Variants in MIB1 observed in about 807,000 individuals in gnomAD.
MIB1 encodes the protein MIB E3 ubiquitin protein ligase 1, also known as E3 ubiquitin-protein ligase MIB1.
MIB1 carries 278 observed loss-of-function variants against 124.5 expected under a neutral mutation model. The ratio of observed to expected loss-of-function variants is 2.23; its 90% CI spans 2.02 to 2.47. The LOEUF (loss-of-function observed/expected upper bound fraction) is 2.47. Among genes scored for constraint, MIB1 ranks in the 30% most tolerant of loss-of-function variants. The probability of loss-of-function intolerance (pLI) is 0.00; values close to 1 mark genes in which losing one functional copy is unlikely to be tolerated. For synonymous variants in MIB1, 446 were observed against 429.4 expected (o/e 1.04, Z -0.48); for missense variants, 957 against 1,254.4 (o/e 0.76, Z 3.58).
intron 1 of MIB1, among the ~76,000 whole-genome samples, chr18:21,727,513 T>G (rs548353596): frequency 4.6e-5 from 7 of 152,138 alleles, no homozygotes; most frequent in African/African-American, 1.7e-4. Context: ...GAGGCCAAGG[T>G]GGGAGGATTG....
chr18:21,861,340 A>T (rs2146524185), intron 20 of MIB1, among the ~76,000 whole-genome samples: 1 of 152,160 alleles, frequency 6.6e-6, no homozygotes, highest in South Asian at 2.1e-4. Context: ...TAGCATCTTG[A>T]TTCCTTTCCC....
At chr18:21,815,039 AT>A (rs2041815452) in intron 10 of MIB1, among the ~76,000 whole-genome samples, 1 of 129,814 alleles carries the variant, frequency 7.7e-6, no homozygotes, top group African/African-American at 3.0e-5. Flanking sequence ...ATATATATAT[AT>A]ATATATATAT....
chr18:21,738,732 GGGAGAT>G (rs754138190), upstream of MIB1, among the ~76,000 whole-genome samples: 26 of 143,432 alleles, frequency 1.8e-4, no homozygotes, highest in Non-Finnish European at 4.5e-5. Context: ...GCGTGAACCC[GGGAGAT>G]GGAGCTTGCA....
chr18:21,779,862 G>A (rs1162313674), intron 6 of MIB1, among the ~76,000 whole-genome samples, 177 bp downstream of exon 6: 3 of 22,292 alleles, frequency 1.3e-4, no homozygotes, highest in South Asian at 1.2e-3. Context: ...TAAGAATTAC[G>A]TGTGTGTGTG....
chr18:21,773,647 T>G lies in MIB1; in HGVS notation c.555T>G (p.Ser185Arg), dbSNP rs1359391136. 1 of 1,609,412 alleles carries G rather than the reference T, an allele frequency of 6.2e-7. No individual in the cohort carries two copies. ...RGKVTEIQDW[S>R]ASSPHSAAYV... ...AGGTAACAGAAATCCAGGACTGGAG[T>G]GCATCAAGCCCACATAGCGCAGCAT... The change falls in exon 4 of 21, where the codon AGT becomes AGG. Residue 185 changes from serine (S) to arginine (R), a missense_variant. Ser to Arg is a moderately radical substitution (Grantham distance 110). Coordinates refer to ENST00000261537, the MANE Select transcript of MIB1 (RefSeq NM_020774.4).
chr18:21,782,179 A>G (rs949407273), intron 6 of MIB1, among the ~76,000 whole-genome samples: 8 of 151,968 alleles, frequency 5.3e-5, no homozygotes, highest in South Asian at 2.1e-4. Flanking sequence ...CTGGAGTGCA[A>G]TGGCGCGATC....
At chr18:21,747,616 G>A (rs1289624502) in intron 1 of MIB1, among the ~76,000 whole-genome samples, 2 of 152,200 alleles carry the variant, frequency 1.3e-5, no homozygotes, top group African/African-American at 4.8e-5. Context: ...ATTAGTTGGG[G>A]AGAAGAGAAG....
intron 1 of MIB1, among the ~76,000 whole-genome samples, chr18:21,756,055 C>A (rs1225616068): frequency 6.6e-6 from 1 of 152,146 alleles, no homozygotes. Context: ...ATCCCTTACC[C>A]CCCAGTTTCT....
intron 7 of MIB1, among the ~76,000 whole-genome samples, chr18:21,795,839 C>T (rs935341446): frequency 4.6e-5 from 7 of 151,994 alleles, no homozygotes; most frequent in Admixed American, 6.6e-5. Context: ...CATGTAGTAG[C>T]GTTGATATTG....
chr18:21,757,719 C>T (rs7240442), intron 1 of MIB1, among the ~76,000 whole-genome samples: 13,539 of 151,716 alleles, frequency 0.089, 678 homozygotes, highest in Middle Eastern at 0.14. Context: ...CTCCTGACCT[C>T]AAGCGATCCA....
intron 1 of MIB1, among the ~76,000 whole-genome samples, chr18:21,758,934 T>A (rs553684848): frequency 1.3e-5 from 2 of 152,256 alleles, no homozygotes; most frequent in Admixed American, 6.5e-5. Context: ...GTTTCTTTTT[T>A]AAAAAAGTTT....
chr18:21,869,323 A>G lies in MIB1; in HGVS notation c.*4657A>G, dbSNP rs1414198892. The G allele has an allele frequency of 1.3e-5, 2 of 152,474 alleles. No homozygotes were observed. Among genetic ancestry groups the G allele is most frequent in the African/African-American group, 2.4e-5 (1 of 41,454 alleles). 9.4% of individuals were successfully genotyped at this position (152,474 alleles called of 1,614,324 possible). A position where few individuals can be genotyped will look rare whatever the true frequency, so the allele number is the denominator to read the frequency against. On this transcript the variant is annotated 3_prime_UTR_variant, in exon 21 of 21. Coordinates refer to ENST00000261537, the MANE Select transcript of MIB1 (RefSeq NM_020774.4). ...AAACGTGCCATTTTGTCTGCAATCT[A>G]TAATTTCAGGAAGTTATTGAAAGTT...
intron 12 of MIB1, among the ~76,000 whole-genome samples, chr18:21,822,372 A>G (rs1469028975): frequency 6.6e-6 from 1 of 152,160 alleles, no homozygotes; most frequent in African/African-American, 2.4e-5. Context: ...ATTTACTTTT[A>G]TTTTTTTCAA....
chr18:21,772,978 T>C (rs192901668), intron 3 of MIB1, among the ~76,000 whole-genome samples: 3 of 152,234 alleles, frequency 2.0e-5, no homozygotes, highest in Non-Finnish European at 4.4e-5. Flanking sequence ...AAGAATATAC[T>C]GTTCTTGCCG....
chr18:21,770,853 C>T (rs2041217041), intron 3 of MIB1, among the ~76,000 whole-genome samples: 1 of 152,134 alleles, frequency 6.6e-6, no homozygotes, highest in South Asian at 2.1e-4. Flanking sequence ...GTTGAAGAAA[C>T]CAGATTCTAT....
At chr18:21,836,365 C>T (rs2146497695) in intron 12 of MIB1, among the ~76,000 whole-genome samples, 1 of 151,792 alleles carries the variant, frequency 6.6e-6, no homozygotes, top group South Asian at 2.1e-4. Flanking sequence ...GCTCCACCTC[C>T]TGCGTTCACG....
chr18:21,738,017 C>T (rs1402576607), upstream of MIB1, among the ~76,000 whole-genome samples: 1 of 152,152 alleles, frequency 6.6e-6, no homozygotes, highest in Non-Finnish European at 1.5e-5. Context: ...CAGCTCTGGA[C>T]CAAGCAGACC....
chr18:21,778,215 T>C, intron 5 of MIB1, 46 bp downstream of exon 5: 1 of 1,287,588 alleles, frequency 7.8e-7, no homozygotes, highest in Non-Finnish European at 1.1e-6. Context: ...GGGTCAGAGT[T>C]CGTGGAATCA....
intron 6 of MIB1, among the ~76,000 whole-genome samples, chr18:21,783,658 G>A (rs1009120073): frequency 2.0e-5 from 3 of 151,666 alleles, no homozygotes; most frequent in Non-Finnish European, 2.9e-5. Context: ...TTTGTAACTC[G>A]TCTCTTCCTT....
Sources: allele counts gnomAD v4.1 joint callset (sites outside exome capture counted in the v4.1 genomes callset), GRCh38; gene constraint gnomAD v4.1.1; transcripts MANE v1.5; gene names NCBI Gene and HGNC (gene_info 2026-07-23, HGNC 2026-07-21).